Variants in FREM2 observed in about 807,000 individuals in gnomAD.
FREM2 encodes FRAS1 related extracellular matrix 2, also known as FRAS1-related extracellular matrix protein 2.
In FREM2, 119 loss-of-function variants were observed where a neutral mutation model predicts 219.9. The observed-to-expected ratio is 0.54, with a 90% CI of 0.47 to 0.63. The LOEUF (loss-of-function observed/expected upper bound fraction) is 0.63. Among genes scored for constraint, FREM2 ranks in the 30% least tolerant of loss-of-function variants. The probability of loss-of-function intolerance (pLI) is 0.00; values close to 1 mark genes in which losing one functional copy is unlikely to be tolerated. For synonymous variants in FREM2, 1,562 were observed against 1,522.8 expected (o/e 1.03, Z -0.60); for missense variants, 4,030 against 3,993.6 (o/e 1.01, Z -0.25).
At chr13:38,875,977 A>T in intron 18 of FREM2, 45 bp from the exon 19 acceptor site, 1 of 1,553,156 alleles carries the variant, frequency 6.4e-7, no homozygotes, top group South Asian at 1.1e-5. Context: ...GCACTCTTTT[A>T]ATTGAACCAC....
intron 6 of FREM2, among the ~76,000 whole-genome samples, chr13:38,789,356 AAATT>A (rs1213782093): frequency 1.3e-5 from 2 of 151,818 alleles, no homozygotes; most frequent in African/African-American, 4.8e-5. Flanking sequence ...ATAATACTGT[AAATT>A]AATTATATTA....
In FREM2 at chr13:38,759,447, T is replaced by C. The variant is rs1873142677; in HGVS notation, c.5264-4857T>C. Among the ~76,000 whole-genome samples, 3 of 147,508 alleles carry C rather than the reference T, an allele frequency of 2.0e-5. No individual in the cohort carries two copies. In the South Asian group the frequency reaches 6.9e-4, roughly 34 times the overall value. On this transcript the variant is annotated intron_variant, in intron 2 of 23. Transcript: ENST00000280481. ...AATTGGAGTTTGGTATTCTTTGTTA[T>C]TCTAAAAAAAAAAAAAAACGACTGA...
chr13:38,795,437 A>G (rs1472291712), intron 6 of FREM2, among the ~76,000 whole-genome samples: 1 of 151,746 alleles, frequency 6.6e-6, no homozygotes, highest in African/African-American at 2.4e-5. Flanking sequence ...TGTAACTTTA[A>G]AAAAATTCTT....
chr13:38,705,767 G>A (rs944973196), intron 2 of FREM2, among the ~76,000 whole-genome samples: 1 of 152,158 alleles, frequency 6.6e-6, no homozygotes, highest in African/African-American at 2.4e-5. Flanking sequence ...TACTCTGAGG[G>A]CTTCCAGAGC....
intron 6 of FREM2, among the ~76,000 whole-genome samples, chr13:38,813,650 T>C (rs905098018): frequency 3.4e-5 from 5 of 146,230 alleles, no homozygotes; most frequent in Middle Eastern, 3.4e-3. Flanking sequence ...CTTTGAGAGT[T>C]TGATTATTAA....
At chr13:38,785,755 TA>T (rs1254192334) in intron 6 of FREM2, among the ~76,000 whole-genome samples, 2 of 152,218 alleles carry the variant, frequency 1.3e-5, no homozygotes, top group Admixed American at 6.5e-5. Flanking sequence ...TACATTCTTT[TA>T]AAAAGACCTT....
chr13:38,725,687 TCACTTAAAGTTTTCTCTTC>T (rs1593367976), intron 2 of FREM2, among the ~76,000 whole-genome samples: 1 of 152,208 alleles, frequency 6.6e-6, no homozygotes, highest in Non-Finnish European at 1.5e-5. Flanking sequence ...TTTGTTCTCT[TCACTTAAAGTTTTCTCTTC>T]CACTTAAAGT....
At chr13:38,770,234 C>A (rs996120511) in intron 4 of FREM2, among the ~76,000 whole-genome samples, 1 of 148,784 alleles carries the variant, frequency 6.7e-6, no homozygotes, top group Non-Finnish European at 1.5e-5. Flanking sequence ...TATATAAAAT[C>A]GTTTGTAAAG....
chr13:38,822,528 T>C (rs2137878510), intron 6 of FREM2, among the ~76,000 whole-genome samples: 1 of 152,100 alleles, frequency 6.6e-6, no homozygotes, highest in South Asian at 2.1e-4. Context: ...TGTTGCTTTA[T>C]GCCTGTGGGT....
chr13:38,876,019 T>C lies in FREM2; in HGVS notation c.8282-3T>C. 6.2e-7 allele frequency: 1 copy of C among 1,613,218 alleles called. No individual in the cohort carries two copies. The highest frequency in any genetic ancestry group is 8.5e-7 in the Non-Finnish European group (1 of 1,179,170). ...ATTATTATAATTACTGGCACTTTCC[T>C]AGCATCCTTTACAAGCTCAGTGATC... On this transcript the variant is annotated splice_region_variant and splice_polypyrimidine_tract_variant and intron_variant, in intron 18 of 23. Transcript: ENST00000280481.
At chr13:38,821,156 G>T (rs970841044) in intron 6 of FREM2, among the ~76,000 whole-genome samples, 2 of 152,072 alleles carry the variant, frequency 1.3e-5, no homozygotes, top group African/African-American at 4.8e-5. Context: ...TTACCTTTCA[G>T]AGGGAACAGA....
rs59551341 is a variant in FREM2, at chr13:38,807,189, TTATATATATATATATATATA to T, written c.6019+22401_6019+22420del. Among the ~76,000 whole-genome samples, 16 of 45,378 alleles carry T rather than the reference TTATATATATATATATATATA, an allele frequency of 3.5e-4. 2 individuals are homozygous for T. In the South Asian group the frequency reaches 4.6e-3, roughly 13 times the overall value. 29.8% of individuals were successfully genotyped at this position (45,378 alleles called of 152,430 possible). ...CCTTTTTGCAGAGATCTTGTCTCTG[TTATATATATATATATATATA>T]TATATATATATATATATATGTATGG... is the stretch of plus-strand genomic sequence containing the variant. On this transcript the variant is annotated intron_variant, in intron 6 of 23. Coordinates refer to ENST00000280481, the MANE Select transcript of FREM2 (RefSeq NM_207361.6).
At chr13:38,709,992 C>T (rs1593357415) in intron 2 of FREM2, among the ~76,000 whole-genome samples, 2 of 45,926 alleles carry the variant, frequency 4.4e-5, no homozygotes, top group African/African-American at 3.2e-4. Flanking sequence ...AAAATACACA[C>T]ACACACACAC....
In FREM2 at chr13:38,880,656, C is replaced by T; in HGVS notation, c.9379C>T (p.Leu3127Phe). The T allele has an allele frequency of 6.2e-7, 1 of 1,614,156 alleles. No individual in the cohort carries two copies. Among genetic ancestry groups the T allele is most frequent in the Non-Finnish European group, 8.5e-7 (1 of 1,180,018 alleles). Reference protein sequence around the residue: ...GTTVGLLTICLTVIAVLMCRG... With the variant: ...GTTVGLLTICFTVIAVLMCRG... Reference sequence around the variant, plus strand: ...CACGGTAGGGTTACTCACCATCTGCCTCACTGTCATTGCAGTGCTGATGTG... The same window carrying T: ...CACGGTAGGGTTACTCACCATCTGCTTCACTGTCATTGCAGTGCTGATGTG... The change falls in exon 24 of 24, where the codon CTC becomes TTC. Residue 3127 changes from leucine to phenylalanine, a missense_variant. Transcript: ENST00000280481.
intron 6 of FREM2, among the ~76,000 whole-genome samples, chr13:38,824,299 G>A (rs570464591): frequency 2.6e-5 from 4 of 152,106 alleles, no homozygotes; most frequent in East Asian, 1.9e-4. Flanking sequence ...CATATTGCTC[G>A]GTGTCTAATT....
At chr13:38,782,020 G>C (rs145958866) in intron 4 of FREM2, among the ~76,000 whole-genome samples, 1 of 152,130 alleles carries the variant, frequency 6.6e-6, no homozygotes, top group Non-Finnish European at 1.5e-5. Flanking sequence ...CCCATTGGCC[G>C]ACCCAACCAG....
Position 38,687,584 on chromosome 13 carries a change from G to C in FREM2, c.240G>C (p.Arg80=), listed in dbSNP as rs141831246. Residue 80 remains arginine, a synonymous_variant, in exon 1 of 24, where the codon CGG becomes CGC. Transcript: ENST00000280481. ...EAIVLANRGL[R]VPFGREVWLD... is the part of the protein sequence containing the mutation. ...TAGTGCTGGCGAACCGCGGACTCCG[G>C]GTGCCTTTCGGCCGTGAAGTCTGGC... is the stretch of plus-strand genomic sequence containing the variant. 1 of 1,606,716 alleles carries C rather than the reference G, an allele frequency of 6.2e-7. No homozygotes were observed. Among genetic ancestry groups the C allele is most frequent in the South Asian group, 1.1e-5 (1 of 90,036 alleles).
At chr13:38,746,560 G>A (rs1872492720) in intron 2 of FREM2, among the ~76,000 whole-genome samples, 1 of 152,112 alleles carries the variant, frequency 6.6e-6, no homozygotes, top group Non-Finnish European at 1.5e-5. Context: ...AAAGATTTTT[G>A]AAGTACCCAT....
intron 6 of FREM2, among the ~76,000 whole-genome samples, chr13:38,803,398 G>A (rs1875097301): frequency 6.6e-6 from 1 of 152,076 alleles, no homozygotes; most frequent in Non-Finnish European, 1.5e-5. Flanking sequence ...TGAAACCTGT[G>A]TCGCGTCTTT....
Sources: allele counts gnomAD v4.1 joint callset (sites outside exome capture counted in the v4.1 genomes callset), GRCh38; gene constraint gnomAD v4.1.1; transcripts MANE v1.5; gene names NCBI Gene and HGNC (gene_info 2026-07-23, HGNC 2026-07-21).